MTRES1: variants seen among roughly 807,000 people sequenced by gnomAD.
MTRES1 encodes the protein mitochondrial transcription rescue factor 1.
Under a neutral mutation model 17.4 loss-of-function variants are expected in MTRES1, and 11 were observed. The ratio of observed to expected loss-of-function variants is 0.63; its 90% CI spans 0.40 to 1.05. MTRES1 has a LOEUF of 1.05. MTRES1 is among the 50% of genes least tolerant of loss of function. The pLI, the probability that MTRES1 is intolerant of heterozygous loss-of-function variation, is 0.00. For missense variants in MTRES1, 268 were observed against 276.2 expected (o/e 0.97, Z 0.21); for synonymous variants, 94 against 99.6 (o/e 0.94, Z 0.34).
chr6:107,038,267 A>G (rs1278031102), intron 1 of MTRES1, among the ~76,000 whole-genome samples: 4 of 152,216 alleles, frequency 2.6e-5, no homozygotes, highest in East Asian at 1.9e-4. Flanking sequence ...GGTACAATCT[A>G]GGCACAAAGG....
chr6:107,043,688 C>T (rs564860818), intron 2 of MTRES1, among the ~76,000 whole-genome samples: 15 of 152,190 alleles, frequency 9.9e-5, no homozygotes, highest in Admixed American at 6.6e-4. Flanking sequence ...GAAGAGGAGG[C>T]GTTGGACTTG....
chr6:107,028,903 T>C, intron 1 of MTRES1: 1 of 984,654 alleles, frequency 1.0e-6, no homozygotes, highest in Non-Finnish European at 1.2e-6. Flanking sequence ...CAAAGAGATC[T>C]TTTAAAATGA....
intron 2 of MTRES1, 133 bp from the exon 3 acceptor site, chr6:107,044,127 A>G (rs1459529576): frequency 1.9e-5 from 12 of 633,296 alleles, no homozygotes; most frequent in Non-Finnish European, 3.2e-5. Context: ...GTCTCAAAAA[A>G]CAAACAAAAA....
intron 2 of MTRES1, chr6:107,040,716 A>G (rs1774171890): frequency 6.6e-6 from 1 of 152,620 alleles, no homozygotes; most frequent in African/African-American, 2.4e-5. Context: ...TAAAAATACA[A>G]AAATTAGCCG....
In MTRES1 at chr6:107,051,112, C is replaced by G; in HGVS notation, c.599C>G (p.Thr200Arg). The G allele has an allele frequency of 6.2e-7, 1 of 1,613,778 alleles. No individual in the cohort carries two copies. The highest frequency in any genetic ancestry group is 8.5e-7 in the Non-Finnish European group (1 of 1,179,710). ...ATTGGAGAGGATAAAGAAGCAGGAA[C>G]AGAGACAGTTATGCGGATTCTCTTG... ...LLIGEDKEAG[T>R]ETVMRILLKK... is the part of the protein sequence containing the mutation. Residue 200 changes from threonine to arginine, a missense_variant, in exon 4 of 4, where the codon ACA (threonine) becomes AGA (arginine). Coordinates refer to ENST00000311381, the MANE Select transcript of MTRES1 (RefSeq NM_016487.5).
rs202118375 is a variant in MTRES1, at chr6:107,051,073, C to T, written c.560C>T (p.Thr187Ile). ...KKSRTVKVGD[T>I]LDLLIGEDKE... is the part of the protein sequence containing the mutation. ...AATTTTCAGGTGAAAGTGGGAGATA[C>T]ATTGGATCTTCTCATTGGAGAGGAT... Residue 187 changes from threonine (T) to isoleucine (I), a missense_variant, in exon 4 of 4, where the codon ACA becomes ATA. Transcript: ENST00000311381. The T allele has an allele frequency of 5.3e-5, 86 of 1,610,588 alleles. 2 individuals carry two copies. In the East Asian group the frequency reaches 1.9e-3, roughly 36 times the overall value.
chr6:107,051,299 T>TGTCCTATTTTTC lies in MTRES1; in HGVS notation c.*63_*64insGTCCTATTTTTC. On this transcript the variant is annotated 3_prime_UTR_variant, in exon 4 of 4. Transcript: ENST00000311381. ...GTAAAGGAAGGGGTCACCTGAAAAA[T>TGTCCTATTTTTC]AGGACATTTTTATTAAAATAAAGTT... 1 of 1,340,854 alleles carries TGTCCTATTTTTC rather than the reference T, an allele frequency of 7.5e-7. No homozygotes were observed. Among genetic ancestry groups the TGTCCTATTTTTC allele is most frequent in the Non-Finnish European group, 1.0e-6 (1 of 970,042 alleles). 83.1% of individuals were successfully genotyped at this position (1,340,854 alleles called of 1,614,324 possible). A position where few individuals can be genotyped will look rare whatever the true frequency, so the allele number is the denominator to read the frequency against.
intron 1 of MTRES1, among the ~76,000 whole-genome samples, chr6:107,029,445 C>T (rs1157509085): frequency 6.6e-6 from 1 of 151,934 alleles, no homozygotes; most frequent in Non-Finnish European, 1.5e-5. Flanking sequence ...CCTAAGCCTC[C>T]GACAGTGCTG....
At chr6:107,032,230 A>T (rs1312566614) in intron 1 of MTRES1, among the ~76,000 whole-genome samples, 2 of 152,176 alleles carry the variant, frequency 1.3e-5, no homozygotes, top group African/African-American at 4.8e-5. Flanking sequence ...CCTTTACTAT[A>T]GCCACCCCCA....
chr6:107,044,605 C>T (rs1774330948), intron 3 of MTRES1, among the ~76,000 whole-genome samples: 1 of 152,162 alleles, frequency 6.6e-6, no homozygotes, highest in Non-Finnish European at 1.5e-5. Context: ...ATTAATTAAA[C>T]TTCCAGGTCA....
At chr6:107,044,374 C>G in intron 3 of MTRES1, 42 bp downstream of exon 3, 4 of 1,485,560 alleles carry the variant, frequency 2.7e-6, no homozygotes, top group Non-Finnish European at 3.8e-6. Context: ...GTTTTCGTCT[C>G]TTACTCTGCT....
chr6:107,042,364 T>C (rs1307146325), intron 2 of MTRES1, among the ~76,000 whole-genome samples: 2 of 133,968 alleles, frequency 1.5e-5, no homozygotes, highest in Non-Finnish European at 3.2e-5. Flanking sequence ...AAAAGGTTCA[T>C]AAAAATGAGC....
At chr6:107,037,111 G>T (rs1245626185) in intron 1 of MTRES1, among the ~76,000 whole-genome samples, 1 of 151,850 alleles carries the variant, frequency 6.6e-6, no homozygotes, top group Non-Finnish European at 1.5e-5. Flanking sequence ...TTTTTTAATT[G>T]TACTAATCAA....
intron 1 of MTRES1, among the ~76,000 whole-genome samples, chr6:107,032,580 G>T (rs1582592773): frequency 6.6e-6 from 1 of 152,190 alleles, no homozygotes; most frequent in African/African-American, 2.4e-5. Context: ...GCGTGGTGCC[G>T]TGTGCCTGTA....
chr6:107,030,126 G>T, intron 1 of MTRES1: 1 of 718,552 alleles, frequency 1.4e-6, no homozygotes, highest in East Asian at 2.7e-5. Flanking sequence ...TTAATTAAGG[G>T]GAGGATGCCA....
In MTRES1 at chr6:107,050,990, A is replaced by T. The variant is rs531174804; in HGVS notation, c.544-67A>T. On this transcript the variant is annotated intron_variant, in intron 3 of 3. Coordinates refer to ENST00000311381, the MANE Select transcript of MTRES1 (RefSeq NM_016487.5). ...TGATCATGTGGTGAAAACTCAGAGC[A>T]GTAATGTTTGCATTGGCCTGGATTT... The T allele has an allele frequency of 9.2e-6, 12 of 1,299,628 alleles. No homozygotes were observed. In the East Asian group the frequency reaches 2.8e-4, roughly 30 times the overall value. 80.5% of individuals were successfully genotyped at this position (1,299,628 alleles called of 1,614,324 possible).
chr6:107,039,810 A>T lies in MTRES1; in HGVS notation c.50A>T (p.Asp17Val), dbSNP rs782173160. Residue 17 changes from aspartate (D) to valine (V), a missense_variant, in exon 2 of 4, where the codon GAT becomes GTT. Coordinates refer to ENST00000311381, the MANE Select transcript of MTRES1 (RefSeq NM_016487.5). ...KLLAGVLRKPDAWIGLWGVLR... is the reference protein window; with the variant it reads ...KLLAGVLRKPVAWIGLWGVLR... ...CTTGCCGGTGTTTTAAGAAAGCCAG[A>T]TGCCTGGATTGGACTCTGGGGTGTT... The T allele has an allele frequency of 6.2e-7, 1 of 1,612,278 alleles. No homozygotes were observed. Among genetic ancestry groups the T allele is most frequent in the Non-Finnish European group, 8.5e-7 (1 of 1,179,672 alleles).
chr6:107,029,408 C>T (rs1377864823), intron 1 of MTRES1, among the ~76,000 whole-genome samples: 2 of 151,716 alleles, frequency 1.3e-5, no homozygotes, highest in South Asian at 2.1e-4. Context: ...AGGATGGTCT[C>T]GATTTCCTGA....
In MTRES1 at chr6:107,039,907, G is replaced by A; in HGVS notation, c.147G>A (p.Lys49=). ...GATACTTGTATTTTTCTAGTACCAAGTTACGTGCACCAAATTATAAAACAC... is the reference window on the plus strand; with the variant it reads ...GATACTTGTATTTTTCTAGTACCAAATTACGTGCACCAAATTATAAAACAC... The part of the protein sequence containing the change: ...WNRYLYFSST[K]LRAPNYKTLF... Residue 49 remains lysine (K), a synonymous_variant, in exon 2 of 4, where the codon AAG becomes AAA. Transcript: ENST00000311381. 6.2e-7 allele frequency: 1 copy of A among 1,614,012 alleles called. No homozygotes were observed. Among genetic ancestry groups the A allele is most frequent in the Non-Finnish European group, 8.5e-7 (1 of 1,179,956 alleles).
Sources: gnomAD v4.1 joint callset for allele counts (sites outside exome capture counted in the v4.1 genomes callset) on GRCh38, gnomAD v4.1.1 for gene constraint, MANE v1.5 for transcripts, NCBI Gene and HGNC (gene_info 2026-07-23, HGNC 2026-07-21) for gene names.